Variants in DPYD observed in about 807,000 individuals in gnomAD.
DPYD encodes the protein dihydropyrimidine dehydrogenase.
Under a neutral mutation model 116.2 loss-of-function variants are expected in DPYD, and 109 were observed. The observed-to-expected ratio is 0.94, with a 90% CI of 0.80 to 1.10. The LOEUF is 1.10. Among genes scored for constraint, DPYD ranks in the 50% least tolerant of loss-of-function variants. The pLI, the probability that DPYD is intolerant of heterozygous loss-of-function variation, is 0.00. For synonymous variants in DPYD, 440 were observed against 432.0 expected (o/e 1.02, Z -0.23); for missense variants, 1,302 against 1,254.5 (o/e 1.04, Z -0.57).
chr1:97,885,785 A>G (rs1672457053), intron 1 of DPYD, among the ~76,000 whole-genome samples: 1 of 152,096 alleles, frequency 6.6e-6, no homozygotes, highest in South Asian at 2.1e-4. Context: ...TGGGACTTAT[A>G]TTGAACCTGA....
chr1:97,460,195 C>G (rs1676940995), intron 13 of DPYD, among the ~76,000 whole-genome samples: 1 of 152,170 alleles, frequency 6.6e-6, no homozygotes. Context: ...TTTGATAACT[C>G]TAAGATTGTA....
chr1:97,255,821 A>C (rs1663417362), intron 18 of DPYD, among the ~76,000 whole-genome samples: 1 of 151,632 alleles, frequency 6.6e-6, no homozygotes, highest in Non-Finnish European at 1.5e-5. Flanking sequence ...GCCAGAGTCC[A>C]CGTTCCTTAT....
chr1:97,492,259 C>CT (rs1324967355), intron 13 of DPYD, among the ~76,000 whole-genome samples: 3 of 152,066 alleles, frequency 2.0e-5, no homozygotes, highest in African/African-American at 4.8e-5. Context: ...TTTTAAGTAG[C>CT]TTTTTTTCCA....
intron 8 of DPYD, among the ~76,000 whole-genome samples, chr1:97,599,860 C>CAAAAAAAA (rs56940277): frequency 2.7e-5 from 1 of 36,442 alleles, no homozygotes; most frequent in African/African-American, 1.1e-4. Context: ...CCCATCTCCA[C>CAAAAAAAA]AAAAAAAAAA....
At position 97,617,480 on chromosome 1, in the gene DPYD, A is replaced by G. The variant is rs910230246; in HGVS notation, c.851-22314T>C. ...TTAAATAAAATTATATTTACATTGG[A>G]ATTCTTAGAACTTTAGCTTTGCTGG... On this transcript the variant is annotated intron_variant, in intron 8 of 22. Coordinates refer to ENST00000370192, the MANE Select transcript of DPYD (RefSeq NM_000110.4). Among the ~76,000 whole-genome samples the G allele has an allele frequency of 4.6e-5, 7 of 152,280 alleles. 1 individual carries two copies. In the East Asian group the frequency reaches 9.6e-4, roughly 21 times the overall value.
At chr1:97,284,983 G>T (rs548945286) in intron 18 of DPYD, among the ~76,000 whole-genome samples, 17 of 152,156 alleles carry the variant, frequency 1.1e-4, no homozygotes, top group African/African-American at 3.9e-4. Flanking sequence ...GCTTGTTTGG[G>T]AAAATCCCCT....
At chr1:97,655,936 T>A (rs539631356) in intron 8 of DPYD, among the ~76,000 whole-genome samples, 84 of 152,290 alleles carry the variant, frequency 5.5e-4, no homozygotes, top group African/African-American at 1.9e-3. Context: ...AAGGACACAC[T>A]TTACTTTTTA....
At chr1:97,567,021 C>T (rs1181813370) in intron 11 of DPYD, among the ~76,000 whole-genome samples, 1 of 152,096 alleles carries the variant, frequency 6.6e-6, no homozygotes, top group African/African-American at 2.4e-5. Flanking sequence ...TTTTCATAGG[C>T]TCTTCCCAAC....
At chr1:97,409,141 C>T (rs1320998447) in intron 14 of DPYD, among the ~76,000 whole-genome samples, 2 of 152,050 alleles carry the variant, frequency 1.3e-5, no homozygotes, top group Non-Finnish European at 2.9e-5. Context: ...CTCTAGAGAA[C>T]GCTGACTAAT....
At chr1:97,835,664 T>C (rs966334717) in intron 2 of DPYD, among the ~76,000 whole-genome samples, 6 of 152,262 alleles carry the variant, frequency 3.9e-5, no homozygotes, top group Admixed American at 1.3e-4. Flanking sequence ...TTTGTTTGCA[T>C]AATGTATGGT....
intron 3 of DPYD, among the ~76,000 whole-genome samples, chr1:97,808,042 G>A (rs1002584421): frequency 2.0e-5 from 3 of 151,910 alleles, no homozygotes; most frequent in Admixed American, 1.3e-4. Flanking sequence ...CTTAAATTTG[G>A]GTACTGTCAA....
chr1:97,312,532 G>A (rs1439747612), intron 16 of DPYD, among the ~76,000 whole-genome samples: 1 of 151,748 alleles, frequency 6.6e-6, no homozygotes, highest in East Asian at 1.9e-4. Flanking sequence ...GAAGATTTGT[G>A]AAAAGTACTA....
chr1:97,387,493 T>C (rs919966971), intron 14 of DPYD, among the ~76,000 whole-genome samples: 1 of 152,086 alleles, frequency 6.6e-6, no homozygotes, highest in Non-Finnish European at 1.5e-5. Flanking sequence ...TAAAAAAAGA[T>C]ACTTTAATTG....
intron 13 of DPYD, among the ~76,000 whole-genome samples, chr1:97,452,734 CCT>C (rs996516059): frequency 6.6e-6 from 1 of 151,900 alleles, no homozygotes; most frequent in Non-Finnish European, 1.5e-5. Context: ...GCATCTCTCC[CCT>C]CTTTCTCTTG....
chr1:97,638,325 C>T (rs1291154789), intron 8 of DPYD, among the ~76,000 whole-genome samples: 1 of 152,098 alleles, frequency 6.6e-6, no homozygotes, highest in Non-Finnish European at 1.5e-5. Context: ...CCACAGAGAA[C>T]TATGCCCTGG....
At chr1:97,321,534 A>T (rs201036283) in intron 16 of DPYD, among the ~76,000 whole-genome samples, 2,483 of 115,970 alleles carry the variant, frequency 0.021, no homozygotes, top group East Asian at 0.12. Context: ...CCACAATGAG[A>T]TACCATCTCA....
chr1:97,883,283 T>C lies in DPYD; in HGVS notation c.131A>G (p.Asn44Ser). The stretch of plus-strand genomic sequence containing the variant: ...ACTTACAAAGCAGTTCTTATCAGGA[T>C]TTCTTTTCCAATGTTTCTTGTCTAA... ...KKLDKKHWKRNPDKNCFNCEK... is the reference protein window; with the variant it reads ...KKLDKKHWKRSPDKNCFNCEK... The change falls in exon 2 of 23, where the codon AAT becomes AGT. Residue 44 changes from asparagine (N) to serine (S), a missense_variant. Transcript: ENST00000370192. 1 of 1,610,628 alleles carries C rather than the reference T, an allele frequency of 6.2e-7. No homozygotes were observed. The highest frequency in any genetic ancestry group is 8.5e-7 in the Non-Finnish European group (1 of 1,177,208).
At chr1:97,736,850 T>TTGTG (rs71590232) in intron 4 of DPYD, among the ~76,000 whole-genome samples, 30,935 of 141,952 alleles carry the variant, frequency 0.22, 3,545 homozygotes, top group Non-Finnish European at 0.26. Context: ...GTGTGTGCAT[T>TTGTG]TGTGTGTGTG....
At chr1:97,121,325 T>C (rs1222281742) in intron 20 of DPYD, among the ~76,000 whole-genome samples, 3 of 152,206 alleles carry the variant, frequency 2.0e-5, no homozygotes, top group Admixed American at 6.5e-5. Flanking sequence ...CCCTGCCTCC[T>C]GCCACTCATT....
Sources: allele counts gnomAD v4.1 joint callset (sites outside exome capture counted in the v4.1 genomes callset), GRCh38; gene constraint gnomAD v4.1.1; transcripts MANE v1.5; gene names NCBI Gene and HGNC (gene_info 2026-07-23, HGNC 2026-07-21).